The following TGFBR3 variants were observed in gnomAD, a reference collection of about 807,000 sequenced individuals.
The protein encoded by TGFBR3 is transforming growth factor beta receptor 3.
In TGFBR3, 46 loss-of-function variants were observed where a neutral mutation model predicts 87.9. The ratio of observed to expected loss-of-function variants is 0.52; its 90% CI spans 0.41 to 0.67. TGFBR3 has a LOEUF of 0.67. Among genes scored for constraint, TGFBR3 ranks in the 30% least tolerant of loss-of-function variants. The pLI, the probability that TGFBR3 is intolerant of heterozygous loss-of-function variation, is 0.00. For missense variants in TGFBR3, 866 were observed against 1,041.9 expected (o/e 0.83, Z 2.32); for synonymous variants, 381 against 391.6 (o/e 0.97, Z 0.32).
intron 1 of TGFBR3, among the ~76,000 whole-genome samples, chr1:91,884,185 T>C (rs753507185): frequency 7.4e-5 from 8 of 107,760 alleles, no homozygotes; most frequent in Admixed American, 1.9e-4. Flanking sequence ...CTGGGCGTGG[T>C]AGCGCGCGCC....
chr1:91,808,482 T>G (rs1326552884), intron 2 of TGFBR3, among the ~76,000 whole-genome samples: 1 of 152,182 alleles, frequency 6.6e-6, no homozygotes, highest in African/African-American at 2.4e-5. Context: ...GTTTTGTTTT[T>G]GGAGACACAG....
chr1:91,788,717 A>C (rs534030493), intron 3 of TGFBR3, among the ~76,000 whole-genome samples: 2 of 152,356 alleles, frequency 1.3e-5, no homozygotes, highest in South Asian at 4.1e-4. Context: ...GCCTTTGCCC[A>C]ATCAGCACAT....
intron 6 of TGFBR3, among the ~76,000 whole-genome samples, chr1:91,728,080 T>A (rs1047074580): frequency 2.0e-5 from 3 of 152,362 alleles, no homozygotes; most frequent in South Asian, 4.1e-4. Context: ...GCAGCCACTG[T>A]TTGAAGTGGA....
chr1:91,891,461 G>C (rs1679445648), intron 2 of TGFBR3, among the ~76,000 whole-genome samples: 2 of 150,310 alleles, frequency 1.3e-5, no homozygotes, highest in South Asian at 4.2e-4. Flanking sequence ...TCGTGCCACT[G>C]TACTCCAGCC....
chr1:91,787,239 T>G (rs960153038), intron 3 of TGFBR3, among the ~76,000 whole-genome samples: 1 of 151,916 alleles, frequency 6.6e-6, no homozygotes, highest in African/African-American at 2.4e-5. Flanking sequence ...AGGCGGAGGT[T>G]GCAGTGAGCC....
intron 4 of TGFBR3, among the ~76,000 whole-genome samples, chr1:91,737,137 T>C (rs896631425): frequency 1.3e-5 from 2 of 152,124 alleles, no homozygotes; most frequent in African/African-American, 4.8e-5. Flanking sequence ...ATAAGCTTCA[T>C]ACACTCAGGG....
Position 91,813,741 on chromosome 1 carries a change from A to C in TGFBR3, c.62-16270T>G, listed in dbSNP as rs139682338. Among the ~76,000 whole-genome samples, 434 of 152,338 alleles carry C rather than the reference A, an allele frequency of 2.8e-3. 3 individuals are homozygous for C. The highest frequency in any genetic ancestry group is 9.8e-3 in the African/African-American group (408 of 41,576). On this transcript the variant is annotated intron_variant, in intron 2 of 16. Transcript: ENST00000212355. ...GAAAACACCTAACGGGGCCACCCAA[A>C]GGCCCCTCTATGGCAGCAGTCCCCA... is the stretch of plus-strand genomic sequence containing the variant.
chr1:91,824,438 G>C (rs1319357517), intron 2 of TGFBR3, among the ~76,000 whole-genome samples: 1 of 152,172 alleles, frequency 6.6e-6, no homozygotes, highest in Non-Finnish European at 1.5e-5. Flanking sequence ...AAACAGATGA[G>C]GCCAGAGAGA....
intron 1 of TGFBR3, among the ~76,000 whole-genome samples, chr1:91,873,239 G>A (rs1678655115): frequency 6.6e-6 from 1 of 150,850 alleles, no homozygotes; most frequent in African/African-American, 2.4e-5. Context: ...CTAAAGCACT[G>A]GGATTATAGG....
At chr1:91,771,064 C>T (rs953009262) in intron 3 of TGFBR3, 3 of 152,204 alleles carry the variant, frequency 2.0e-5, no homozygotes, top group Non-Finnish European at 4.4e-5. Flanking sequence ...CACCTAAATG[C>T]TTCACAGACA....
rs1356535041 is a variant in TGFBR3 at position 91,680,659 on chromosome 1, A to G, written c.*3080T>C. 2 of 454,028 alleles carry G rather than the reference A, an allele frequency of 4.4e-6. No individual in the cohort carries two copies. Among genetic ancestry groups the G allele is most frequent in the Admixed American group, 2.3e-5 (1 of 42,558 alleles). The allele number at this position is 454,028 out of a possible 1,614,324, so 28.1% of individuals were successfully genotyped here. ...TGAACAACCCCCAGATAAAACAAAC[A>G]TGAAAAAAATCACATAGGACTCACC... is the stretch of plus-strand genomic sequence containing the variant. On this transcript the variant is annotated 3_prime_UTR_variant, in exon 17 of 17. Coordinates refer to ENST00000212355, the MANE Select transcript of TGFBR3 (RefSeq NM_003243.5).
At chr1:91,822,733 C>T (rs1676496433) in intron 2 of TGFBR3, among the ~76,000 whole-genome samples, 1 of 151,872 alleles carries the variant, frequency 6.6e-6, no homozygotes, top group Non-Finnish European at 1.5e-5. Context: ...TCGAGACCAG[C>T]CTGGGAACAT....
chr1:91,886,889 G>A (rs1190097792), upstream of TGFBR3, among the ~76,000 whole-genome samples: 1 of 152,170 alleles, frequency 6.6e-6, no homozygotes, highest in East Asian at 1.9e-4. Flanking sequence ...GACAGTCTCG[G>A]CGGGGCAACG....
intron 16 of TGFBR3, among the ~76,000 whole-genome samples, chr1:91,691,091 G>A (rs914487498): frequency 6.6e-6 from 1 of 151,784 alleles, no homozygotes; most frequent in African/African-American, 2.4e-5. Context: ...GTAAAAAACT[G>A]AAAGATAAAG....
chr1:91,867,247 G>A (rs1571587839), intron 1 of TGFBR3, among the ~76,000 whole-genome samples: 1 of 152,244 alleles, frequency 6.6e-6, no homozygotes, highest in African/African-American at 2.4e-5. Context: ...GGAAAAGAAA[G>A]GAGGAAGATT....
At chr1:91,777,006 C>T (rs1042479367) in intron 3 of TGFBR3, among the ~76,000 whole-genome samples, 1 of 152,198 alleles carries the variant, frequency 6.6e-6, no homozygotes, top group Admixed American at 6.5e-5. Context: ...CCCAACACCA[C>T]ATCTACTCTG....
intron 1 of TGFBR3, among the ~76,000 whole-genome samples, chr1:91,866,473 GT>G: frequency 6.6e-6 from 1 of 152,310 alleles, no homozygotes; most frequent in Middle Eastern, 3.4e-3. Context: ...GCCAGGCACT[GT>G]TCAAGATGCC....
chr1:91,850,797 A>T (rs1197199013), intron 2 of TGFBR3, among the ~76,000 whole-genome samples: 1 of 151,410 alleles, frequency 6.6e-6, no homozygotes, highest in African/African-American at 2.4e-5. Flanking sequence ...AAAAAAAAAA[A>T]AAAAAAAAAT....
At chr1:91,722,524 T>G (rs530176005) in intron 7 of TGFBR3, among the ~76,000 whole-genome samples, 1 of 152,104 alleles carries the variant, frequency 6.6e-6, no homozygotes, top group African/African-American at 2.4e-5. Flanking sequence ...AAATGACATA[T>G]AAAGTATACA....
Sources: allele counts gnomAD v4.1 joint callset (sites outside exome capture counted in the v4.1 genomes callset), GRCh38; gene constraint gnomAD v4.1.1; transcripts MANE v1.5; gene names NCBI Gene and HGNC (gene_info 2026-07-23, HGNC 2026-07-21).